The following LTBP1 variants were observed in gnomAD, a reference collection of about 807,000 sequenced individuals.
LTBP1 encodes latent transforming growth factor beta binding protein 1, also known as latent-transforming growth factor beta-binding protein 1.
Under a neutral mutation model 207.6 loss-of-function variants are expected in LTBP1, and 129 were observed. That is an observed-to-expected ratio of 0.62 (90% CI 0.54 to 0.72). The LOEUF (loss-of-function observed/expected upper bound fraction) is 0.72, where lower values mean the gene tolerates loss of function less well. Among genes scored for constraint, LTBP1 ranks in the 30% least tolerant of loss-of-function variants. The pLI is 0.00. For missense variants in LTBP1, 2,281 were observed against 2,217.2 expected (o/e 1.03, Z -0.58); for synonymous variants, 963 against 833.7 (o/e 1.16, Z -2.67).
intron 9 of LTBP1, among the ~76,000 whole-genome samples, chr2:33,237,145 A>G (rs1395754574): frequency 6.6e-6 from 1 of 152,204 alleles, no homozygotes; most frequent in African/African-American, 2.4e-5. Context: ...ATTTCACAAA[A>G]ATGTTTCCAC....
chr2:33,073,713 G>A (rs573364608), intron 3 of LTBP1, among the ~76,000 whole-genome samples: 1 of 151,674 alleles, frequency 6.6e-6, no homozygotes, highest in African/African-American at 2.4e-5. Context: ...TGTAACCTCC[G>A]CCTCCCAGGT....
chr2:33,189,048 C>T (rs553092938), intron 7 of LTBP1, among the ~76,000 whole-genome samples, 197 bp downstream of exon 7: 12 of 152,308 alleles, frequency 7.9e-5, no homozygotes, highest in African/African-American at 2.9e-4. Context: ...TGTCTATGCC[C>T]ATTTTCATGC....
At chr2:33,008,237 T>C (rs1687197994) in intron 2 of LTBP1, among the ~76,000 whole-genome samples, 1 of 152,344 alleles carries the variant, frequency 6.6e-6, no homozygotes, top group Middle Eastern at 3.4e-3. Flanking sequence ...GAACCACTAA[T>C]AGTATGTTAA....
intron 24 of LTBP1, among the ~76,000 whole-genome samples, chr2:33,323,568 C>T (rs972762863): frequency 3.3e-5 from 5 of 152,150 alleles, no homozygotes; most frequent in South Asian, 2.1e-4. Flanking sequence ...GCCTGGGAGG[C>T]GAGTGAGCTG....
At chr2:33,125,029 A>G (rs1233453940) in intron 4 of LTBP1, among the ~76,000 whole-genome samples, 7 of 152,262 alleles carry the variant, frequency 4.6e-5, no homozygotes, top group African/African-American at 1.7e-4. Context: ...TGAAGTCTAT[A>G]TAAGATATCT....
At chr2:33,091,235 C>T (rs1372907848) in intron 3 of LTBP1, among the ~76,000 whole-genome samples, 1 of 152,122 alleles carries the variant, frequency 6.6e-6, no homozygotes, top group African/African-American at 2.4e-5. Context: ...GTCATCTCCT[C>T]CCATGGACAC....
At chr2:33,020,030 C>T (rs970489952) in intron 2 of LTBP1, among the ~76,000 whole-genome samples, 5 of 152,134 alleles carry the variant, frequency 3.3e-5, no homozygotes, top group Non-Finnish European at 7.4e-5. Context: ...CTTTAAAACT[C>T]TGTTTGGTCA....
At chr2:33,125,539 T>C (rs888051507) in intron 4 of LTBP1, among the ~76,000 whole-genome samples, 1 of 152,198 alleles carries the variant, frequency 6.6e-6, no homozygotes, top group African/African-American at 2.4e-5. Context: ...GCATAAAAAA[T>C]TACTCCAAAC....
At chr2:33,067,718 G>A (rs2077589360) in intron 3 of LTBP1, among the ~76,000 whole-genome samples, 1 of 152,114 alleles carries the variant, frequency 6.6e-6, no homozygotes, top group Non-Finnish European at 1.5e-5. Flanking sequence ...TAGATTAGAA[G>A]CAAATACTAT....
intron 23 of LTBP1, 34 bp downstream of exon 23, chr2:33,309,590 T>C: frequency 6.3e-7 from 1 of 1,596,200 alleles, no homozygotes; most frequent in South Asian, 1.2e-5. Context: ...AGTCATTATT[T>C]ACGTAATTCT....
chr2:33,009,081 AG>A (rs1687322604), intron 2 of LTBP1, among the ~76,000 whole-genome samples: 1 of 152,148 alleles, frequency 6.6e-6, no homozygotes, highest in East Asian at 1.9e-4. Context: ...GGAGGGTTTG[AG>A]GCAGAGGAGT....
chr2:33,036,738 G>A (rs1343623293), intron 3 of LTBP1, among the ~76,000 whole-genome samples: 4 of 152,180 alleles, frequency 2.6e-5, no homozygotes, highest in South Asian at 2.1e-4. Context: ...GATTACAGGC[G>A]TGAGACACTG....
intron 4 of LTBP1, among the ~76,000 whole-genome samples, chr2:33,120,583 C>G (rs1261936809): frequency 6.6e-6 from 1 of 152,158 alleles, no homozygotes; most frequent in Non-Finnish European, 1.5e-5. Flanking sequence ...TTTATCCAGT[C>G]TGTTATTGAT....
At chr2:33,201,179 T>C (rs2149087326) in intron 7 of LTBP1, among the ~76,000 whole-genome samples, 1 of 152,262 alleles carries the variant, frequency 6.6e-6, no homozygotes, top group East Asian at 1.9e-4. Flanking sequence ...CATGCACACG[T>C]ATGTTTATTG....
intron 18 of LTBP1, among the ~76,000 whole-genome samples, chr2:33,278,442 G>C (rs2093491869): frequency 1.3e-5 from 2 of 152,172 alleles, no homozygotes; most frequent in East Asian, 1.9e-4. Context: ...CTGGCACACA[G>C]AAGATTTTCT....
intron 3 of LTBP1, among the ~76,000 whole-genome samples, chr2:33,091,520 C>A (rs1190042901): frequency 6.6e-6 from 1 of 152,144 alleles, no homozygotes; most frequent in African/African-American, 2.4e-5. Flanking sequence ...CTTCACTATT[C>A]TCTGTTCTCT....
rs1446547905 is a variant in LTBP1 at position 33,398,913 on chromosome 2, A to AT, written c.*374dup. 3 of 156,048 alleles carry AT rather than the reference A, an allele frequency of 1.9e-5. No individual in the cohort carries two copies. Among genetic ancestry groups the AT allele is most frequent in the African/African-American group, 7.2e-5 (3 of 41,624 alleles). 9.7% of individuals were successfully genotyped at this position (156,048 alleles called of 1,614,324 possible). On this transcript the variant is annotated 3_prime_UTR_variant, in exon 34 of 34. Coordinates refer to ENST00000404816, the MANE Select transcript of LTBP1 (RefSeq NM_206943.4). ...GGTGGAAATATTTTATATAATTTTCATTTTTTGGTTGTGCAGTTCCTTGGC... is the reference window on the plus strand; with the variant it reads ...GGTGGAAATATTTTATATAATTTTCATTTTTTTGGTTGTGCAGTTCCTTGGC...
At chr2:33,306,996 G>C (rs887986141) in intron 22 of LTBP1, among the ~76,000 whole-genome samples, 2 of 152,196 alleles carry the variant, frequency 1.3e-5, no homozygotes, top group African/African-American at 4.8e-5. Context: ...GCTGAGGCAG[G>C]AGAATTGCTT....
chr2:33,353,900 C>T (rs1389439136), intron 26 of LTBP1, among the ~76,000 whole-genome samples: 5 of 150,376 alleles, frequency 3.3e-5, no homozygotes, highest in African/African-American at 7.3e-5. Context: ...CTCTCTGTCA[C>T]CCAGGCTGGA....
Sources: gnomAD v4.1 joint callset for allele counts (sites outside exome capture counted in the v4.1 genomes callset) on GRCh38, gnomAD v4.1.1 for gene constraint, MANE v1.5 for transcripts, NCBI Gene and HGNC (gene_info 2026-07-23, HGNC 2026-07-21) for gene names.